CDH18: variants seen among roughly 807,000 people sequenced by gnomAD.
CDH18 encodes cadherin 18, also known as cadherin-18.
A neutral mutation model predicts 67.9 loss-of-function variants in CDH18; 31 were observed. The observed-to-expected ratio is 0.46, with a 90% confidence interval of 0.34 to 0.62. CDH18 has a LOEUF of 0.62. Ranked by LOEUF, CDH18 falls within the 20% of genes least tolerant of loss-of-function variation. The pLI is 0.01. For synonymous variants in CDH18, 362 were observed against 347.2 expected, an observed-to-expected ratio of 1.04 and a Z score of -0.48; for missense variants, 890 against 975.5, an observed-to-expected ratio of 0.91 and a Z score of 1.17.
intron 2 of CDH18, among the ~76,000 whole-genome samples, chr5:20,200,052 A>G (rs754476536): frequency 5.5e-4 from 84 of 152,310 alleles, no homozygotes; most frequent in African/African-American, 9.1e-4. Context: ...ATGAGGAAGG[A>G]TTAATACAAG....
chr5:20,400,136 T>A (rs904981861), intron 1 of CDH18, among the ~76,000 whole-genome samples: 16 of 152,176 alleles, frequency 1.1e-4, no homozygotes, highest in African/African-American at 3.9e-4. Context: ...ATCTACATGT[T>A]TGTATAGATC....
rs540906204 is a variant in CDH18 at position 20,451,585 on chromosome 5, C to T, written c.-580+123877G>A. Among the ~76,000 whole-genome samples the T allele has an allele frequency of 2.4e-4, 36 of 152,020 alleles. No homozygotes were observed. In the South Asian group the frequency reaches 7.5e-3, roughly 32 times the overall value. ...ATCAAGAAATGTTTAATATCTTGGC[C>T]ATGAAGGAATAGTGATTTCCCTCAT... On this transcript the variant is annotated intron_variant, in intron 1 of 14. Coordinates refer to the CDH18 transcript ENST00000507958.
intron 1 of CDH18, among the ~76,000 whole-genome samples, chr5:20,463,336 C>T (rs1019238569): frequency 2.0e-5 from 3 of 151,672 alleles, no homozygotes; most frequent in African/African-American, 7.3e-5. Flanking sequence ...AAGATGCAGA[C>T]GTATCTTGTC....
chr5:19,643,560 T>A (rs1754331873), intron 5 of CDH18, among the ~76,000 whole-genome samples: 1 of 151,964 alleles, frequency 6.6e-6, no homozygotes, highest in Non-Finnish European at 1.5e-5. Flanking sequence ...GTATGCTAGG[T>A]GAAATAAGCT....
At chr5:20,512,846 T>C (rs1198188928) in intron 1 of CDH18, among the ~76,000 whole-genome samples, 2 of 145,578 alleles carry the variant, frequency 1.4e-5, no homozygotes, top group East Asian at 2.2e-4. Context: ...ATTGCACTAC[T>C]GCACTCCAGC....
At chr5:19,725,739 G>A (rs1025662294) in intron 4 of CDH18, among the ~76,000 whole-genome samples, 5 of 152,100 alleles carry the variant, frequency 3.3e-5, no homozygotes, top group Admixed American at 2.0e-4. Context: ...ACTGAACTCC[G>A]ACTTGGGCAA....
chr5:20,255,749 G>C (rs1744188034), intron 1 of CDH18, among the ~76,000 whole-genome samples: 1 of 151,558 alleles, frequency 6.6e-6, no homozygotes, highest in Non-Finnish European at 1.5e-5. Context: ...ATGTAGATAT[G>C]GGCAATTTAG....
chr5:19,552,538 A>G (rs541069184), intron 8 of CDH18, among the ~76,000 whole-genome samples: 18 of 152,182 alleles, frequency 1.2e-4, no homozygotes, highest in Non-Finnish European at 2.1e-4. Flanking sequence ...TACTCTTATA[A>G]TTGTGACATA....
intron 2 of CDH18, among the ~76,000 whole-genome samples, chr5:20,075,520 A>G (rs1022835936): frequency 6.9e-6 from 1 of 145,702 alleles, no homozygotes; most frequent in Non-Finnish European, 1.5e-5. Context: ...CAAACAAACA[A>G]ACAAAAAAAC....
At chr5:19,620,209 G>T (rs949077252) in intron 5 of CDH18, among the ~76,000 whole-genome samples, 1 of 152,170 alleles carries the variant, frequency 6.6e-6, no homozygotes, top group Non-Finnish European at 1.5e-5. Flanking sequence ...GTTTATTTCT[G>T]CTGAGGAGAA....
intron 3 of CDH18, among the ~76,000 whole-genome samples, chr5:19,812,115 T>C (rs1778799507): frequency 6.6e-6 from 1 of 152,152 alleles, no homozygotes; most frequent in South Asian, 2.1e-4. Context: ...TAATTAGTGT[T>C]TAAATATCCT....
intron 3 of CDH18, among the ~76,000 whole-genome samples, chr5:19,753,601 T>C (rs1261011710): frequency 2.0e-5 from 3 of 152,206 alleles, no homozygotes; most frequent in Non-Finnish European, 2.9e-5. Context: ...AAAACATATC[T>C]GGGGGAAAAA....
At chr5:19,967,456 T>G (rs1797570024) in intron 2 of CDH18, among the ~76,000 whole-genome samples, 1 of 152,122 alleles carries the variant, frequency 6.6e-6, no homozygotes, top group Non-Finnish European at 1.5e-5. Flanking sequence ...AAAATTTTCA[T>G]TCTTTTGGTT....
chr5:19,982,187 C>T (rs557981735), intron 1 of CDH18, among the ~76,000 whole-genome samples: 18 of 152,190 alleles, frequency 1.2e-4, no homozygotes, highest in African/African-American at 2.4e-4. Context: ...AATCATACAA[C>T]GCTTTCCCAT....
At chr5:19,701,403 A>C (rs1763223172) in intron 5 of CDH18, among the ~76,000 whole-genome samples, 1 of 152,148 alleles carries the variant, frequency 6.6e-6, no homozygotes, top group Non-Finnish European at 1.5e-5. Context: ...AGAAACAAAC[A>C]AAAAAATATG....
intron 2 of CDH18, among the ~76,000 whole-genome samples, chr5:19,994,855 T>TAGAGAGAGAGAGAGAGAGAGAGAG (rs1554078420): frequency 7.4e-5 from 5 of 67,586 alleles, no homozygotes; most frequent in African/African-American, 1.5e-4. Flanking sequence ...TATATATATA[T>TAGAGAGAGAGAGAGAGAGAGAGAG]AGAGAGAGAG....
At chr5:20,088,237 G>T (rs1745137589) in intron 2 of CDH18, among the ~76,000 whole-genome samples, 1 of 152,122 alleles carries the variant, frequency 6.6e-6, no homozygotes, top group Non-Finnish European at 1.5e-5. Flanking sequence ...TTTTACAAAT[G>T]TGGTTTCACT....
At chr5:20,214,848 T>C (rs1206179425) in intron 2 of CDH18, among the ~76,000 whole-genome samples, 1 of 152,004 alleles carries the variant, frequency 6.6e-6, no homozygotes, top group Non-Finnish European at 1.5e-5. Flanking sequence ...AAATGTAATC[T>C]AATTAAACTA....
Position 20,561,542 on chromosome 5 carries a change from C to T in CDH18, c.-580+13920G>A, listed in dbSNP as rs1380404273. Among the ~76,000 whole-genome samples the T allele has an allele frequency of 1.3e-5, 2 of 151,924 alleles. 1 individual carries two copies. Among genetic ancestry groups the T allele is most frequent in the Admixed American group, 1.3e-4 (2 of 15,232 alleles). Reference sequence around the variant, plus strand: ...TGTATGATTCCAATTATAAGAAATACTGGAAAACTATGTAGTCAAAAAAAG... The same window carrying T: ...TGTATGATTCCAATTATAAGAAATATTGGAAAACTATGTAGTCAAAAAAAG... On this transcript the variant is annotated intron_variant, in intron 1 of 14. Coordinates refer to the CDH18 transcript ENST00000507958.
Sources: gnomAD v4.1 joint callset for allele counts (sites outside exome capture counted in the v4.1 genomes callset) on GRCh38, gnomAD v4.1.1 for gene constraint, MANE v1.5 for transcripts, NCBI Gene and HGNC (gene_info 2026-07-23, HGNC 2026-07-21) for gene names.